WDR7: variants seen among roughly 807,000 people sequenced by gnomAD.
WDR7 encodes the protein WD repeat-containing protein 7.
WDR7 carries 46 observed loss-of-function variants against 169.4 expected under a neutral mutation model. The observed-to-expected ratio is 0.27, with a 90% confidence interval of 0.21 to 0.35. WDR7 has a LOEUF of 0.35. WDR7 is among the 10% of genes least tolerant of loss of function. The pLI is 1.00. For synonymous variants in WDR7, 612 were observed against 666.8 expected, an observed-to-expected ratio of 0.92 and a Z score of 1.27; for missense variants, 1,534 against 1,859.3, an observed-to-expected ratio of 0.83 and a Z score of 3.22.
At chr18:56,984,127 C>T (rs2047682135) in intron 26 of WDR7, among the ~76,000 whole-genome samples, 1 of 152,020 alleles carries the variant, frequency 6.6e-6, no homozygotes, top group Admixed American at 6.5e-5. Flanking sequence ...TTTTCACTGT[C>T]CTATTTTCTT....
At chr18:56,853,521 T>G (rs1004896014) in intron 20 of WDR7, among the ~76,000 whole-genome samples, 2 of 152,196 alleles carry the variant, frequency 1.3e-5, no homozygotes, top group Admixed American at 1.3e-4. Flanking sequence ...TTTTCTAATT[T>G]TAAATATATT....
At chr18:56,789,478 T>G (rs2044451928) in intron 19 of WDR7, among the ~76,000 whole-genome samples, 1 of 152,224 alleles carries the variant, frequency 6.6e-6, no homozygotes, top group Admixed American at 6.5e-5. Context: ...GCGCTCAGGA[T>G]GTCAGTAGAA....
intron 22 of WDR7, 88 bp downstream of exon 22, chr18:56,924,196 T>C (rs1405553716): frequency 2.8e-6 from 4 of 1,422,162 alleles, no homozygotes; most frequent in South Asian, 2.8e-5. Flanking sequence ...TCTGTATAGA[T>C]TGTGCATGTT....
At chr18:56,971,129 G>A (rs554094592) in intron 26 of WDR7, among the ~76,000 whole-genome samples, 1 of 152,078 alleles carries the variant, frequency 6.6e-6, no homozygotes, top group East Asian at 1.9e-4. Flanking sequence ...AAAATTAGCT[G>A]AGCATGGTGA....
At chr18:56,914,141 G>C (rs779807995) in intron 21 of WDR7, among the ~76,000 whole-genome samples, 6 of 152,174 alleles carry the variant, frequency 3.9e-5, no homozygotes, top group Non-Finnish European at 7.3e-5. Context: ...CACACTGGAC[G>C]TTTTGCTGTC....
chr18:56,726,082 G>A (rs549052176), intron 13 of WDR7, among the ~76,000 whole-genome samples: 1 of 152,296 alleles, frequency 6.6e-6, no homozygotes, highest in Non-Finnish European at 1.5e-5. Context: ...TTGAAGTCAG[G>A]TAGCATGATG....
chr18:56,961,482 G>A (rs1205643863), intron 25 of WDR7, among the ~76,000 whole-genome samples: 1 of 151,740 alleles, frequency 6.6e-6, no homozygotes, highest in Non-Finnish European at 1.5e-5. Flanking sequence ...TGTTCATCTG[G>A]GCAACTCACA....
Position 56,663,633 on chromosome 18 carries a change from GCACAGCA to G in WDR7, c.-19-8863_-19-8857del, listed in dbSNP as rs2024955311. ...CACAGCATATATACACCACATATAT[GCACAGCA>G]TATATACATATATATATGCACAGCA... On this transcript the variant is annotated intron_variant, in intron 1 of 27. Transcript: ENST00000254442. 3.9e-3 allele frequency among the ~76,000 whole-genome samples: 12 copies of G among 3,090 alleles called. No individual in the cohort carries two copies. In the Admixed American group the frequency reaches 0.11, roughly 27 times the overall value. The allele number at this position is 3,090 out of a possible 152,430, so 2.0% of individuals were successfully genotyped here.
Position 56,713,334 on chromosome 18 carries a change from T to A in WDR7, c.1579-4630T>A, listed in dbSNP as rs141231971. ...TCACATTAATGAGACATTTGAGAAA[T>A]GTTTATTCTTAAATCTGTTTATTTA... On this transcript the variant is annotated intron_variant, in intron 12 of 27. Coordinates refer to ENST00000254442, the MANE Select transcript of WDR7 (RefSeq NM_015285.3). 1.6e-3 allele frequency among the ~76,000 whole-genome samples: 250 copies of A among 152,334 alleles called. 1 individual carries two copies. Among genetic ancestry groups the A allele is most frequent in the African/African-American group, 5.8e-3 (240 of 41,574 alleles).
At chr18:56,846,908 C>T (rs1376270183) in intron 20 of WDR7, among the ~76,000 whole-genome samples, 1 of 152,124 alleles carries the variant, frequency 6.6e-6, no homozygotes, top group Non-Finnish European at 1.5e-5. Flanking sequence ...TTCTTTATAA[C>T]AACGCAAAAA....
In WDR7 at chr18:56,984,044, A is replaced by G. The variant is rs186983473; in HGVS notation, c.4164+21515A>G. 3.6e-3 allele frequency among the ~76,000 whole-genome samples: 550 copies of G among 152,284 alleles called. 5 individuals carry two copies. Among genetic ancestry groups the G allele is most frequent in the Non-Finnish European group, 5.3e-3 (357 of 67,986 alleles). On this transcript the variant is annotated intron_variant, in intron 26 of 27. Transcript: ENST00000254442. Reference sequence around the variant, plus strand: ...TGAGCTAGGACACGTCCTAATGCTTAAAGATACTATTTTATCCGTTTGAAA... The same window carrying G: ...TGAGCTAGGACACGTCCTAATGCTTGAAGATACTATTTTATCCGTTTGAAA...
intron 25 of WDR7, among the ~76,000 whole-genome samples, chr18:56,948,494 T>C (rs1297936955): frequency 2.6e-5 from 4 of 152,232 alleles, no homozygotes; most frequent in Non-Finnish European, 4.4e-5. Context: ...AGCCACTCAG[T>C]TCAGTAACTG....
chr18:56,805,400 A>AT (rs1460627635), intron 19 of WDR7, among the ~76,000 whole-genome samples: 1 of 152,062 alleles, frequency 6.6e-6, no homozygotes, highest in African/African-American at 2.4e-5. Context: ...TGGGATTATG[A>AT]TTTTGGGGAT....
rs142010338 is a variant in WDR7 at position 56,801,092 on chromosome 18, A to G, written c.3191-14939A>G. 1.1e-3 allele frequency among the ~76,000 whole-genome samples: 174 copies of G among 152,324 alleles called. 1 individual carries two copies. Among genetic ancestry groups the G allele is most frequent in the African/African-American group, 4.0e-3 (168 of 41,592 alleles). ...ATACTGATATTTCTCATTTTCATCC[A>G]CTACAAAAAGATTTAATCTTTTTCC... On this transcript the variant is annotated intron_variant, in intron 19 of 27. Transcript: ENST00000254442.
chr18:56,682,870 T>A lies in WDR7; in HGVS notation c.520+17T>A, dbSNP rs764684518. ...GAACACAAGGTCAGTGTATTATGCC[T>A]GTTAGGAGCTTTAGCACCATGACTT... On this transcript the variant is annotated intron_variant, in intron 5 of 27. Coordinates refer to ENST00000254442, the MANE Select transcript of WDR7 (RefSeq NM_015285.3). 6.2e-7 allele frequency: 1 copy of A among 1,608,006 alleles called. No homozygotes were observed. The highest frequency in any genetic ancestry group is 8.5e-7 in the Non-Finnish European group (1 of 1,177,608).
intron 20 of WDR7, among the ~76,000 whole-genome samples, chr18:56,829,059 G>A (rs2045263216): frequency 6.7e-6 from 1 of 149,332 alleles, no homozygotes; most frequent in South Asian, 2.1e-4. Flanking sequence ...CACATACGAG[G>A]ATAGCTTCAG....
At chr18:57,030,536 G>A (rs1475425531), downstream of WDR7, 2 of 152,158 alleles carry the variant, frequency 1.3e-5, no homozygotes, top group Admixed American at 1.3e-4. Context: ...GATCAAATGT[G>A]GAAAGGCGTG....
intron 19 of WDR7, among the ~76,000 whole-genome samples, chr18:56,808,066 A>G (rs1235804575): frequency 1.3e-5 from 2 of 152,178 alleles, no homozygotes; most frequent in Non-Finnish European, 2.9e-5. Context: ...CCAGACAGGC[A>G]ATGTGTGCAG....
intron 15 of WDR7, among the ~76,000 whole-genome samples, chr18:56,758,009 A>G (rs896869097): frequency 6.7e-6 from 1 of 149,916 alleles, no homozygotes; most frequent in Non-Finnish European, 1.5e-5. Flanking sequence ...GCTTCTTCTC[A>G]TTGTAACATA....
Sources: gnomAD v4.1 joint callset for allele counts (sites outside exome capture counted in the v4.1 genomes callset) on GRCh38, gnomAD v4.1.1 for gene constraint, MANE v1.5 for transcripts, NCBI Gene and HGNC (gene_info 2026-07-23, HGNC 2026-07-21) for gene names.